ATP6V0A1: variants seen among roughly 807,000 people sequenced by gnomAD.
ATP6V0A1 encodes ATPase H+ transporting V0 subunit a1.
A neutral mutation model predicts 105.4 loss-of-function variants in ATP6V0A1; 43 were observed. The observed-to-expected ratio is 0.41, with a 90% confidence interval of 0.32 to 0.53. The LOEUF is 0.53. Among genes scored for constraint, ATP6V0A1 ranks in the 20% least tolerant of loss-of-function variants. The probability of loss-of-function intolerance (pLI) is 0.30; values close to 1 mark genes in which losing one functional copy is unlikely to be tolerated. For synonymous variants in ATP6V0A1, 362 were observed against 372.8 expected (o/e 0.97, Z 0.33); for missense variants, 676 against 1,051.1 (o/e 0.64, Z 4.93).
chr17:42,487,137 T>C lies in ATP6V0A1; in HGVS notation c.811-18T>C. 1 of 1,613,064 alleles carries C rather than the reference T, an allele frequency of 6.2e-7. No individual in the cohort carries two copies. The highest frequency in any genetic ancestry group is 8.5e-7 in the Non-Finnish European group (1 of 1,179,024). On this transcript the variant is annotated intron_variant, in intron 9 of 21. Transcript: ENST00000343619. ...TGGTGTTAAAAGGATCCCTCGCTTGTTCCTTTTCTCCCCAAAGGTTCTGAA... is the reference window on the plus strand; with the variant it reads ...TGGTGTTAAAAGGATCCCTCGCTTGCTCCTTTTCTCCCCAAAGGTTCTGAA...
At chr17:42,467,681 T>C (rs894927784) in intron 3 of ATP6V0A1, among the ~76,000 whole-genome samples, 2 of 152,158 alleles carry the variant, frequency 1.3e-5, no homozygotes, top group African/African-American at 4.8e-5. Context: ...TAAGCAGAAC[T>C]GTCATACTTT....
intron 17 of ATP6V0A1, among the ~76,000 whole-genome samples, chr17:42,502,105 G>A (rs975334597): frequency 1.3e-5 from 2 of 152,222 alleles, no homozygotes; most frequent in African/African-American, 4.8e-5. Flanking sequence ...TGCCAAGTCA[G>A]AGAAACATGT....
chr17:42,514,365 G>GTTC lies in ATP6V0A1; in HGVS notation c.2335_2337dup (p.Phe779dup). Reference sequence around the variant, plus strand: ...AGAGCTTGGCGGGAGGTTTGGTGCTGTTCTTCTTCTTCACTGCCTTTGCCA... The same window carrying GTTC: ...AGAGCTTGGCGGGAGGTTTGGTGCTGTTCTTCTTCTTCTTCACTGCCTTTGCCA... On this transcript the variant is annotated inframe_insertion, in exon 21 of 22. Coordinates refer to ENST00000343619, the MANE Select transcript of ATP6V0A1 (RefSeq NM_001130021.3). 6.2e-7 allele frequency: 1 copy of GTTC among 1,613,870 alleles called. No individual in the cohort carries two copies. Among genetic ancestry groups the GTTC allele is most frequent in the Non-Finnish European group, 8.5e-7 (1 of 1,179,860 alleles).
chr17:42,493,204 G>GTA (rs1397438750), intron 11 of ATP6V0A1, among the ~76,000 whole-genome samples: 1 of 152,162 alleles, frequency 6.6e-6, no homozygotes, highest in Middle Eastern at 3.2e-3. Context: ...AATGTAGCAA[G>GTA]TATTGGCCAC....
chr17:42,482,582 G>A (rs536885346), intron 8 of ATP6V0A1, among the ~76,000 whole-genome samples: 63 of 151,634 alleles, frequency 4.2e-4, no homozygotes, highest in Non-Finnish European at 7.7e-4. Context: ...TAATTGCTCC[G>A]TCTGCAGGTC....
At chr17:42,461,459 T>C in intron 2 of ATP6V0A1, among the ~76,000 whole-genome samples, 1 of 152,186 alleles carries the variant, frequency 6.6e-6, no homozygotes, top group East Asian at 1.9e-4. Context: ...TACTGGGCAC[T>C]TGGAGAAGCT....
rs776125400 is a variant in ATP6V0A1 at position 42,500,813 on chromosome 17, G to A, written c.1786G>A (p.Ala596Thr). The change falls in exon 16 of 22, where the codon GCC (alanine) becomes ACC (threonine). Residue 596 changes from alanine to threonine, a missense_variant. Physicochemically the swap from Ala to Thr is moderately conservative, Grantham distance 58. Coordinates refer to ENST00000343619, the MANE Select transcript of ATP6V0A1 (RefSeq NM_001130021.3). The part of the protein sequence containing the change: ...LVILIFYKWT[A>T]YDAHTSENAP... Reference sequence around the variant, plus strand: ...TATCCTTATTTTTTACAAGTGGACGGCCTATGATGCTCATACCTCTGAGAA... The same window carrying A: ...TATCCTTATTTTTTACAAGTGGACGACCTATGATGCTCATACCTCTGAGAA... 2.0e-5 allele frequency: 32 copies of A among 1,613,728 alleles called. No individual in the cohort carries two copies. The highest frequency in any genetic ancestry group is 2.7e-5 in the African/African-American group (2 of 74,888).
rs2092836658 is a variant in ATP6V0A1 at position 42,521,765 on chromosome 17, C to T, written c.*645C>T. 1.3e-5 allele frequency: 2 copies of T among 152,882 alleles called. No individual in the cohort carries two copies. The highest frequency in any genetic ancestry group is 2.1e-4 in the South Asian group (1 of 4,830). 9.5% of individuals were successfully genotyped at this position (152,882 alleles called of 1,614,324 possible). On this transcript the variant is annotated 3_prime_UTR_variant, in exon 22 of 22. Coordinates refer to ENST00000343619, the MANE Select transcript of ATP6V0A1 (RefSeq NM_001130021.3). The surrounding 1 kb of genome is among the most constrained non-coding windows in gnomAD (Gnocchi z 4.8). ...ACCCCACCCTGCACTCCCATCCTTT[C>T]CTCTCTCCCCGTTCATGCCCTGCAC...
chr17:42,465,169 T>G (rs1021692681), intron 2 of ATP6V0A1, among the ~76,000 whole-genome samples: 1 of 151,792 alleles, frequency 6.6e-6, no homozygotes, highest in Admixed American at 6.6e-5. Flanking sequence ...ATTTTTTGTA[T>G]TTTTAGTTGA....
chr17:42,519,700 G>A (rs1460493810), intron 21 of ATP6V0A1: 1 of 152,256 alleles, frequency 6.6e-6, no homozygotes, highest in Non-Finnish European at 1.5e-5. Context: ...GAATTGCTCT[G>A]GTGGGAACCG....
chr17:42,495,292 G>A, intron 13 of ATP6V0A1, 104 bp downstream of exon 13: 2 of 1,237,188 alleles, frequency 1.6e-6, no homozygotes, highest in South Asian at 2.7e-5. Context: ...AGTGGTGACA[G>A]TGTCTCCTCA....
intron 11 of ATP6V0A1, 69 bp downstream of exon 11, chr17:42,490,706 T>C: frequency 6.7e-7 from 1 of 1,494,616 alleles, no homozygotes; most frequent in Non-Finnish European, 9.0e-7. Flanking sequence ...TGGTTTGTTT[T>C]GAGACAGAGT....
chr17:42,507,164 C>G (rs780019057), intron 17 of ATP6V0A1, among the ~76,000 whole-genome samples: 3 of 152,168 alleles, frequency 2.0e-5, no homozygotes, highest in Non-Finnish European at 4.4e-5. Flanking sequence ...GCAGCCTTTA[C>G]AGATAGAGCT....
intron 2 of ATP6V0A1, 46 bp downstream of exon 2, chr17:42,461,057 G>C: frequency 6.6e-7 from 1 of 1,505,200 alleles, no homozygotes; most frequent in Non-Finnish European, 9.2e-7. Flanking sequence ...GAACTCTATT[G>C]CTATCGTGGT....
chr17:42,483,490 C>T (rs759116151), intron 9 of ATP6V0A1, among the ~76,000 whole-genome samples: 2 of 152,156 alleles, frequency 1.3e-5, no homozygotes, highest in Non-Finnish European at 1.5e-5. Flanking sequence ...TCACTGCAAC[C>T]TCCGCCTCCT....
chr17:42,464,219 C>T (rs753039565), intron 2 of ATP6V0A1, among the ~76,000 whole-genome samples: 7 of 152,112 alleles, frequency 4.6e-5, no homozygotes, highest in Non-Finnish European at 8.8e-5. Flanking sequence ...TAGCATTTAT[C>T]ACAACAAATT....
At chr17:42,478,401 T>C in intron 6 of ATP6V0A1, 62 bp from the exon 7 acceptor site, 1 of 1,326,428 alleles carries the variant, frequency 7.5e-7, no homozygotes, top group Non-Finnish European at 9.9e-7. Flanking sequence ...AAAAGACTTG[T>C]ATTAAAACCT....
rs971460423 is a variant in ATP6V0A1, at chr17:42,493,675, A to G, written c.1175-659A>G. ...AATTTTAAAACAAAATTAACTGGGC[A>G]TGGTGGCACATACTTGTAGTTCCAA... On this transcript the variant is annotated intron_variant, in intron 11 of 21. Transcript: ENST00000343619. 2.0e-5 allele frequency among the ~76,000 whole-genome samples: 3 copies of G among 152,238 alleles called. No individual in the cohort carries two copies. The East Asian group carries it at 5.8e-4, about 29-fold the overall frequency.
rs1249711683 is a variant in ATP6V0A1, at chr17:42,478,387, A to G, written c.507-76A>G. On this transcript the variant is annotated intron_variant, in intron 6 of 21. Coordinates refer to ENST00000343619, the MANE Select transcript of ATP6V0A1 (RefSeq NM_001130021.3). The stretch of plus-strand genomic sequence containing the variant: ...AAAAAAGATATATATATAAATATAA[A>G]TAAAAAAGACTTGTATTAAAACCTT... 4 of 1,106,680 alleles carry G rather than the reference A, an allele frequency of 3.6e-6. No homozygotes were observed. The African/African-American group carries it at 6.7e-5, about 18-fold the overall frequency. 68.6% of individuals were successfully genotyped at this position (1,106,680 alleles called of 1,614,324 possible). A position where few individuals can be genotyped will look rare whatever the true frequency, so the allele number is the denominator to read the frequency against.
Sources: gnomAD v4.1 joint callset for allele counts (sites outside exome capture counted in the v4.1 genomes callset) on GRCh38, gnomAD v4.1.1 for gene constraint, Gnocchi (gnomAD v3.1) non-coding constraint, MANE v1.5 for transcripts, NCBI Gene and HGNC (gene_info 2026-07-23, HGNC 2026-07-21) for gene names.